The following DLGAP4 variants were observed in gnomAD, a reference collection of about 807,000 sequenced individuals.
DLGAP4 encodes the protein disks large-associated protein 4.
In DLGAP4, 18 loss-of-function variants were observed where a neutral mutation model predicts 86.9. The ratio of observed to expected loss-of-function variants is 0.21; its 90% confidence interval spans 0.14 to 0.31. The LOEUF (loss-of-function observed/expected upper bound fraction) is 0.31. Ranked by LOEUF, DLGAP4 falls within the 10% of genes least tolerant of loss-of-function variation. The probability of loss-of-function intolerance (pLI) is 1.00; values close to 1 mark genes in which losing one functional copy is unlikely to be tolerated. For synonymous variants in DLGAP4, 548 were observed against 574.3 expected, an observed-to-expected ratio of 0.95 and a Z score of 0.65; for missense variants, 1,085 against 1,362.6, an observed-to-expected ratio of 0.80 and a Z score of 3.21.
chr20:36,316,672 A>G (rs1245796074), intron 1 of DLGAP4, among the ~76,000 whole-genome samples: 5 of 152,174 alleles, frequency 3.3e-5, no homozygotes, highest in Admixed American at 2.0e-4. Flanking sequence ...GCCTGAGAAC[A>G]GGTGGGGGTG....
Position 36,436,310 on chromosome 20 carries a change from GC to G in DLGAP4, c.1203del (p.Thr402ArgfsTer58), listed in dbSNP as rs1166828345. The G allele has an allele frequency of 6.2e-7, 1 of 1,603,488 alleles. No homozygotes were observed. Among genetic ancestry groups the G allele is most frequent in the Admixed American group, 1.7e-5 (1 of 59,798 alleles). Reference protein sequence around the residue: ...TAARRQSYLRATQQSLGEQSN... With the variant: ...TAARRQSYLRXTQQSLGEQSN... ...GGCGCGGCGCCAGAGCTATCTGAGGGCCACGCAGCAGTCGCTGGGAGAGCAG... is the reference window on the plus strand; with the variant it reads ...GGCGCGGCGCCAGAGCTATCTGAGGGCACGCAGCAGTCGCTGGGAGAGCAG... On this transcript the variant is annotated frameshift_variant, in exon 4 of 13. Transcript: ENST00000339266. LOFTEE classifies it high-confidence loss of function.
At chr20:36,443,281 C>T (rs1410132417) in intron 6 of DLGAP4, among the ~76,000 whole-genome samples, 3 of 152,190 alleles carry the variant, frequency 2.0e-5, no homozygotes, top group Admixed American at 2.0e-4. Context: ...GGTTGTGCTG[C>T]TCATGGCACT....
At chr20:36,360,420 A>G (rs1224082232) in intron 1 of DLGAP4, among the ~76,000 whole-genome samples, 1 of 151,912 alleles carries the variant, frequency 6.6e-6, no homozygotes, top group Non-Finnish European at 1.5e-5. Context: ...GTCTCCCTCC[A>G]ATGTCTGTGC....
intron 1 of DLGAP4, among the ~76,000 whole-genome samples, chr20:36,352,454 A>AGGG (rs2030190224): frequency 3.2e-5 from 1 of 31,386 alleles, no homozygotes. Context: ...TCGGTGGCAG[A>AGGG]GGTGGGGGTG....
chr20:36,519,589 A>G (rs185254399), intron 10 of DLGAP4, among the ~76,000 whole-genome samples: 11 of 152,256 alleles, frequency 7.2e-5, no homozygotes, highest in African/African-American at 1.9e-4. Context: ...TCTGTTTTCA[A>G]TTCTTTTGGG....
intron 7 of DLGAP4, chr20:36,461,726 CGTCT>C (rs1335736677): frequency 2.2e-6 from 2 of 894,518 alleles, no homozygotes; most frequent in East Asian, 1.7e-4. Context: ...TCCTCCTCCC[CGTCT>C]GTCCGTCCGT....
At chr20:36,492,115 G>C (rs575574160) in intron 7 of DLGAP4, among the ~76,000 whole-genome samples, 2 of 152,234 alleles carry the variant, frequency 1.3e-5, no homozygotes, top group East Asian at 1.9e-4. Flanking sequence ...AGGCCCCAGC[G>C]GGGGAGGAAG....
At chr20:36,485,363 A>C (rs979958679) in intron 7 of DLGAP4, among the ~76,000 whole-genome samples, 9 of 152,106 alleles carry the variant, frequency 5.9e-5, no homozygotes, top group Admixed American at 2.6e-4. Flanking sequence ...AAAAAAAAAA[A>C]AAAAAACTGC....
At chr20:36,470,575 T>TA (rs75020252) in intron 7 of DLGAP4, among the ~76,000 whole-genome samples, 3,396 of 134,362 alleles carry the variant, frequency 0.025, 40 homozygotes, top group African/African-American at 0.033. Context: ...CAAACTTGGT[T>TA]AAAAAAAAAA....
chr20:36,446,718 G>T lies in DLGAP4; in HGVS notation c.1429G>T (p.Asp477Tyr). 1 of 1,606,786 alleles carries T rather than the reference G, an allele frequency of 6.2e-7. No homozygotes were observed. Among genetic ancestry groups the T allele is most frequent in the South Asian group, 1.1e-5 (1 of 90,824 alleles). Residue 477 changes from aspartate to tyrosine, a missense_variant, in exon 7 of 13, where the codon GAC (aspartate) becomes TAC (tyrosine). This residue lies in a region of DLGAP4 where 1,082 missense variants were observed against 1,344.1 expected (regional missense o/e 0.81). Coordinates refer to ENST00000339266, the MANE Select transcript of DLGAP4 (RefSeq NM_001365621.2). ...ACAGGTACGGGAGGCAGAGCTGAGT[G>T]ACCAGTATGAGGCGGCCTGCGAGTC... ...EQQVREAELS[D>Y]QYEAACESAC...
At chr20:36,496,684 C>T in intron 7 of DLGAP4, 21 bp from the exon 8 acceptor site, 1 of 1,587,354 alleles carries the variant, frequency 6.3e-7, no homozygotes, top group African/African-American at 1.3e-5. Context: ...TCTCCCCTGC[C>T]CTTCTCTCAT....
At chr20:36,448,248 G>A (rs2033651918) in intron 7 of DLGAP4, among the ~76,000 whole-genome samples, 1 of 152,172 alleles carries the variant, frequency 6.6e-6, no homozygotes, top group African/African-American at 2.4e-5. Flanking sequence ...TACTCAGGAG[G>A]CTGAAGCAGG....
Position 36,379,474 on chromosome 20 carries a change from C to T in DLGAP4, c.-73+12199C>T, listed in dbSNP as rs543022920. On this transcript the variant is annotated intron_variant, in intron 2 of 12. Coordinates refer to ENST00000339266, the MANE Select transcript of DLGAP4 (RefSeq NM_001365621.2). ...GCATCTCACAGGGTCAGGCTCTGAG[C>T]GGAATCCTGGGACTCGAGGCACATA... 6.6e-5 allele frequency among the ~76,000 whole-genome samples: 10 copies of T among 152,232 alleles called. No individual in the cohort carries two copies. The South Asian group carries it at 1.7e-3, about 25-fold the overall frequency.
chr20:36,472,330 C>T (rs900373247), intron 7 of DLGAP4, among the ~76,000 whole-genome samples: 4 of 151,774 alleles, frequency 2.6e-5, no homozygotes, highest in African/African-American at 7.3e-5. Flanking sequence ...AGCGAAACGC[C>T]GTCTCTATAA....
rs573777158 is a variant in DLGAP4, at chr20:36,464,637, G to A, written c.1648+17700G>A. ...GGCCGAGGCGGGCAGATCACTGGAGGTCAGGGGTTCGACATCAGCCTGGCC... is the reference window on the plus strand; with the variant it reads ...GGCCGAGGCGGGCAGATCACTGGAGATCAGGGGTTCGACATCAGCCTGGCC... On this transcript the variant is annotated intron_variant, in intron 7 of 12. Transcript: ENST00000339266. Among the ~76,000 whole-genome samples the A allele has an allele frequency of 3.3e-5, 5 of 151,848 alleles. No individual in the cohort carries two copies. The East Asian group carries it at 7.7e-4, about 24-fold the overall frequency.
intron 8 of DLGAP4, chr20:36,497,771 C>T: frequency 3.3e-6 from 1 of 300,724 alleles, no homozygotes; most frequent in Non-Finnish European, 4.9e-6. Context: ...CCAGCTTCCC[C>T]TCCACTGCTT....
intron 2 of DLGAP4, among the ~76,000 whole-genome samples, chr20:36,394,085 T>G (rs2147469213): frequency 6.6e-6 from 1 of 152,154 alleles, no homozygotes; most frequent in South Asian, 2.1e-4. Context: ...GCCTGGAAAA[T>G]TCTCTCTCTC....
chr20:36,473,194 T>C (rs1202262453), intron 7 of DLGAP4: 1 of 152,242 alleles, frequency 6.6e-6, no homozygotes, highest in African/African-American at 2.4e-5. Context: ...TGCCCTGTCT[T>C]TACCATGAAA....
At chr20:36,383,683 T>G (rs921847091) in intron 2 of DLGAP4, among the ~76,000 whole-genome samples, 22 of 151,630 alleles carry the variant, frequency 1.5e-4, no homozygotes, top group Admixed American at 7.9e-4. Context: ...CAAATAGAAA[T>G]AGACCTGGAA....
Sources: gnomAD v4.1 joint callset for allele counts (sites outside exome capture counted in the v4.1 genomes callset) on GRCh38, gnomAD v4.1.1 for gene constraint, gnomAD v4.1.1 regional missense constraint, MANE v1.5 for transcripts, NCBI Gene and HGNC (gene_info 2026-07-23, HGNC 2026-07-21) for gene names.